The following AFF3 variants were observed in gnomAD, a reference collection of about 807,000 sequenced individuals.
The protein encoded by AFF3 is ALF transcription elongation factor 3, also known as AF4/FMR2 family member 3.
AFF3 carries 32 observed loss-of-function variants against 129.7 expected under a neutral mutation model. The observed-to-expected ratio is 0.25, with a 90% CI of 0.19 to 0.33. The LOEUF (loss-of-function observed/expected upper bound fraction) is 0.33. Among genes scored for constraint, AFF3 ranks in the 10% least tolerant of loss-of-function variants. The pLI is 1.00. For synonymous variants in AFF3, 644 were observed against 635.4 expected (o/e 1.01, Z -0.20); for missense variants, 1,373 against 1,592.0 (o/e 0.86, Z 2.34).
chr2:99,997,242 A>C (rs1680929628), intron 7 of AFF3, among the ~76,000 whole-genome samples: 1 of 152,192 alleles, frequency 6.6e-6, no homozygotes, highest in African/African-American at 2.4e-5. Context: ...AAACTCAATA[A>C]GCCCAAGTGA....
intron 22 of AFF3, among the ~76,000 whole-genome samples, chr2:99,558,327 A>G (rs899502013): frequency 5.3e-5 from 8 of 152,178 alleles, no homozygotes; most frequent in African/African-American, 1.9e-4. Context: ...AGCCATAAAA[A>G]TACCTGGACA....
At chr2:99,698,783 C>T (rs1337357103) in intron 11 of AFF3, among the ~76,000 whole-genome samples, 1 of 152,114 alleles carries the variant, frequency 6.6e-6, no homozygotes, top group Non-Finnish European at 1.5e-5. Flanking sequence ...GTATTTTTAA[C>T]TAGGTGGTAA....
At chr2:99,596,993 C>A (rs545009383) in intron 14 of AFF3, among the ~76,000 whole-genome samples, 58 of 152,306 alleles carry the variant, frequency 3.8e-4, no homozygotes, top group African/African-American at 1.4e-3. Flanking sequence ...TCGTAATCAT[C>A]TTTCATTGTC....
chr2:99,601,772 C>T, intron 13 of AFF3, 151 bp from the exon 14 acceptor site: 1 of 963,808 alleles, frequency 1.0e-6, no homozygotes, highest in East Asian at 2.6e-5. Flanking sequence ...AAAGAGCAGG[C>T]ATCGAGGTCA....
chr2:99,630,975 C>T (rs946273028), intron 13 of AFF3: 4 of 458,308 alleles, frequency 8.7e-6, no homozygotes, highest in Middle Eastern at 3.3e-4. Flanking sequence ...GGAGCTGAGA[C>T]AGAGGAGGGC....
chr2:100,114,352 C>G (rs1198682592), intron 2 of AFF3, among the ~76,000 whole-genome samples: 2 of 152,184 alleles, frequency 1.3e-5, no homozygotes, highest in African/African-American at 2.4e-5. Flanking sequence ...CCCTGTGTGA[C>G]TGCACAGGTC....
chr2:99,621,939 C>T (rs1353339221), intron 13 of AFF3, among the ~76,000 whole-genome samples: 1 of 152,110 alleles, frequency 6.6e-6, no homozygotes, highest in Non-Finnish European at 1.5e-5. Context: ...ATTTATCCTT[C>T]CTTCAATTTT....
intron 1 of AFF3, among the ~76,000 whole-genome samples, chr2:100,132,424 C>G (rs114696961): frequency 1.1e-3 from 165 of 152,108 alleles, no homozygotes; most frequent in Non-Finnish European, 1.9e-3. Context: ...GCCAACACTA[C>G]TAAAAAGACA....
intron 7 of AFF3, among the ~76,000 whole-genome samples, chr2:99,853,997 T>C (rs562323816): frequency 3.3e-5 from 5 of 152,352 alleles, no homozygotes; most frequent in African/African-American, 9.6e-5. Flanking sequence ...TGATTACTGA[T>C]AGCAGTATTA....
chr2:100,090,928 G>A (rs967785276), intron 4 of AFF3, among the ~76,000 whole-genome samples: 23 of 152,216 alleles, frequency 1.5e-4, no homozygotes, highest in African/African-American at 5.3e-4. Context: ...GACCTCAGGT[G>A]ATCTACCCAC....
At chr2:100,038,454 AC>A (rs1685158390) in intron 4 of AFF3, among the ~76,000 whole-genome samples, 1 of 152,158 alleles carries the variant, frequency 6.6e-6, no homozygotes, top group Non-Finnish European at 1.5e-5. Flanking sequence ...CAAAGAGTAA[AC>A]AATCTCAACC....
At chr2:100,109,172 C>G (rs1691429594) in intron 2 of AFF3, among the ~76,000 whole-genome samples, 1 of 149,632 alleles carries the variant, frequency 6.7e-6, no homozygotes, top group South Asian at 2.1e-4. Flanking sequence ...AAGTACCAAA[C>G]AAAACAAAGA....
intron 11 of AFF3, among the ~76,000 whole-genome samples, chr2:99,678,505 T>C (rs1674214346): frequency 6.6e-6 from 1 of 152,242 alleles, no homozygotes; most frequent in Non-Finnish European, 1.5e-5. Flanking sequence ...TTAATAGGAT[T>C]TTCCCTGAAT....
intron 4 of AFF3, among the ~76,000 whole-genome samples, chr2:100,070,017 A>G (rs536727187): frequency 6.6e-6 from 1 of 152,312 alleles, no homozygotes; most frequent in South Asian, 2.1e-4. Flanking sequence ...CCTGACATTT[A>G]TATCTCTACA....
intron 4 of AFF3, among the ~76,000 whole-genome samples, chr2:100,023,031 T>C (rs1036292368): frequency 2.0e-5 from 3 of 152,240 alleles, no homozygotes; most frequent in African/African-American, 7.2e-5. Flanking sequence ...GGCCTCCATC[T>C]GGGTTTCCCA....
intron 11 of AFF3, chr2:99,707,417 C>T: frequency 1.0e-6 from 1 of 985,348 alleles, no homozygotes; most frequent in Non-Finnish European, 1.2e-6. Context: ...GTAAATTCCT[C>T]TTCGTATCAA....
chr2:100,048,828 T>C (rs1030522595), intron 4 of AFF3, among the ~76,000 whole-genome samples: 3 of 152,232 alleles, frequency 2.0e-5, no homozygotes, highest in Non-Finnish European at 4.4e-5. Context: ...GGGATTTCTT[T>C]ATTGATGTTC....
chr2:99,862,295 C>T (rs551220663), intron 7 of AFF3, among the ~76,000 whole-genome samples: 19 of 152,114 alleles, frequency 1.2e-4, no homozygotes, highest in Non-Finnish European at 2.4e-4. Flanking sequence ...GTCCAGCTTC[C>T]GGCCAGGGAC....
intron 7 of AFF3, among the ~76,000 whole-genome samples, chr2:99,852,913 A>T (rs7558057): frequency 0.62 from 94,592 of 151,490 alleles, 30,275 homozygotes; most frequent in South Asian, 0.75. Flanking sequence ...GCAATATGCA[A>T]TCTCAATTTC....
Sources: allele counts gnomAD v4.1 joint callset (sites outside exome capture counted in the v4.1 genomes callset), GRCh38; gene constraint gnomAD v4.1.1; transcripts MANE v1.5; gene names NCBI Gene and HGNC (gene_info 2026-07-23, HGNC 2026-07-21).